CAPN9: variants seen among roughly 807,000 people sequenced by gnomAD.
The protein encoded by CAPN9 is calpain 9, also known as calpain-9.
Under a neutral mutation model 92.8 loss-of-function variants are expected in CAPN9, and 81 were observed. The ratio of observed to expected loss-of-function variants is 0.87; its 90% confidence interval spans 0.73 to 1.05. The LOEUF (loss-of-function observed/expected upper bound fraction) is 1.05. Among genes scored for constraint, CAPN9 ranks in the 50% least tolerant of loss-of-function variants. The pLI is 0.00. For synonymous variants in CAPN9, 304 were observed against 328.0 expected (o/e 0.93, Z 0.79); for missense variants, 848 against 866.2 (o/e 0.98, Z 0.26).
intron 8 of CAPN9, among the ~76,000 whole-genome samples, chr1:230,775,912 A>G (rs1666733570): frequency 2.3e-5 from 3 of 132,878 alleles, no homozygotes; most frequent in African/African-American, 6.3e-5. Context: ...GTGATACTCC[A>G]TCTCAAAAAA....
Position 230,751,673 on chromosome 1 carries a change from A to AAGAAAGAAAGAAAG in CAPN9, c.214-3652_214-3651insAGAGAAAGAAAGAA, listed in dbSNP as rs1558080346. The stretch of plus-strand genomic sequence containing the variant: ...AAAGAAAGAAAGAAAGAAAGAAAGA[A>AAGAAAGAAAGAAAG]AGAAAGAAAGAAGGGTGGCTTTTCC... On this transcript the variant is annotated intron_variant, in intron 1 of 19. Transcript: ENST00000271971. 5.4e-4 allele frequency among the ~76,000 whole-genome samples: 24 copies of AAGAAAGAAAGAAAG among 44,638 alleles called. 3 individuals are homozygous for AAGAAAGAAAGAAAG. The highest frequency in any genetic ancestry group is 2.2e-3 in the African/African-American group (15 of 6,668). 29.3% of individuals were successfully genotyped at this position (44,638 alleles called of 152,430 possible). A position where few individuals can be genotyped will look rare whatever the true frequency, so the allele number is the denominator to read the frequency against.
Position 230,792,407 on chromosome 1 carries a change from C to T in CAPN9, c.1723-19C>T, listed in dbSNP as rs751090397. On this transcript the variant is annotated intron_variant, in intron 15 of 19. Coordinates refer to ENST00000271971, the MANE Select transcript of CAPN9 (RefSeq NM_006615.3). Reference sequence around the variant, plus strand: ...AGGTTGAAACACTGCTCATGTCTCCCTTAACCCACATGGCACAGACCAGCG... The same window carrying T: ...AGGTTGAAACACTGCTCATGTCTCCTTTAACCCACATGGCACAGACCAGCG... 1.9e-6 allele frequency: 3 copies of T among 1,611,640 alleles called. No homozygotes were observed. Among genetic ancestry groups the T allele is most frequent in the Admixed American group, 3.3e-5 (2 of 60,020 alleles).
At chr1:230,790,399 C>A in intron 14 of CAPN9, 1 of 774,364 alleles carries the variant, frequency 1.3e-6, no homozygotes, top group Non-Finnish European at 1.6e-6. Flanking sequence ...TGCAGAAAAG[C>A]CTAATGACAA....
Position 230,747,456 on chromosome 1 carries a change from C to T in CAPN9, c.-41C>T, listed in dbSNP as rs1281477559. On this transcript the variant is annotated 5_prime_UTR_variant, in exon 1 of 20. Coordinates refer to ENST00000271971, the MANE Select transcript of CAPN9 (RefSeq NM_006615.3). Reference sequence around the variant, plus strand: ...CAGCTCGCTTCTTCACTTTCTTTTCCATCCACTGCCGGACCCAAGCCAGCC... The same window carrying T: ...CAGCTCGCTTCTTCACTTTCTTTTCTATCCACTGCCGGACCCAAGCCAGCC... 3.2e-6 allele frequency: 5 copies of T among 1,545,454 alleles called. No homozygotes were observed. Among genetic ancestry groups the T allele is most frequent in the Non-Finnish European group, 3.6e-6 (4 of 1,118,696 alleles).
chr1:230,789,442 C>A (rs1667824735), intron 13 of CAPN9, among the ~76,000 whole-genome samples: 1 of 139,046 alleles, frequency 7.2e-6, no homozygotes, highest in African/African-American at 2.7e-5. Context: ...CACTAATACT[C>A]CAATCTGGAT....
intron 3 of CAPN9, among the ~76,000 whole-genome samples, chr1:230,760,693 A>G (rs1175296180): frequency 1.3e-5 from 2 of 152,046 alleles, no homozygotes; most frequent in Non-Finnish European, 2.9e-5. Flanking sequence ...CAGACCTGCC[A>G]CCACCTGGCT....
chr1:230,792,223 C>T (rs920733933), intron 15 of CAPN9, among the ~76,000 whole-genome samples: 4 of 152,146 alleles, frequency 2.6e-5, no homozygotes, highest in Non-Finnish European at 5.9e-5. Flanking sequence ...GTGAACTTTC[C>T]GGGACCACCC....
intron 1 of CAPN9, among the ~76,000 whole-genome samples, chr1:230,750,657 A>G (rs962654364): frequency 2.2e-4 from 34 of 152,186 alleles, no homozygotes; most frequent in Middle Eastern, 3.2e-3. Flanking sequence ...ACATCTCAGC[A>G]GCCCGTGGGA....
chr1:230,752,267 C>T (rs1361232078), intron 1 of CAPN9, among the ~76,000 whole-genome samples: 1 of 152,184 alleles, frequency 6.6e-6, no homozygotes, highest in East Asian at 1.9e-4. Flanking sequence ...CGCCTAGCTG[C>T]CCCTTCCACA....
Position 230,770,412 on chromosome 1 carries a change from A to G in CAPN9, c.789+1149A>G, listed in dbSNP as rs554349302. Among the ~76,000 whole-genome samples, 4 of 152,280 alleles carry G rather than the reference A, an allele frequency of 2.6e-5. No homozygotes were observed. In the South Asian group the frequency reaches 8.3e-4, roughly 32 times the overall value. ...TGGGGAGGGCAATCTGTTTTACTCA[A>G]TCAACTTAAATTTCATGTCACCCAG... On this transcript the variant is annotated intron_variant, in intron 6 of 19. Coordinates refer to ENST00000271971, the MANE Select transcript of CAPN9 (RefSeq NM_006615.3).
At chr1:230,758,701 A>G (rs1469089295) in intron 2 of CAPN9, among the ~76,000 whole-genome samples, 2 of 152,150 alleles carry the variant, frequency 1.3e-5, no homozygotes, top group Admixed American at 6.5e-5. Context: ...GCTGAGTGTG[A>G]TGGGCTTTTA....
intron 19 of CAPN9, among the ~76,000 whole-genome samples, chr1:230,800,095 A>G (rs1266339254): frequency 2.0e-5 from 3 of 150,872 alleles, no homozygotes; most frequent in African/African-American, 4.9e-5. Flanking sequence ...GGAGAATGGC[A>G]TGAACCCGGG....
rs978541378 is a variant in CAPN9, at chr1:230,785,739, G to A, written c.1482-242G>A. The stretch of plus-strand genomic sequence containing the variant: ...ACCTAGTCTCTGTTATTTCTCTATA[G>A]CCATGCAAGAATGGTCTAACACAAT... On this transcript the variant is annotated intron_variant, in intron 11 of 19. Transcript: ENST00000271971. Among the ~76,000 whole-genome samples the A allele has an allele frequency of 2.6e-4, 39 of 152,136 alleles. 1 individual carries two copies. Among genetic ancestry groups the A allele is most frequent in the Admixed American group, 3.3e-4 (5 of 15,274 alleles).
intron 5 of CAPN9, among the ~76,000 whole-genome samples, chr1:230,768,045 TAAATAAATAAAAAATA>T (rs140244358): frequency 0.18 from 22,304 of 123,138 alleles, 1,851 homozygotes; most frequent in Non-Finnish European, 0.23. Context: ...AATAAATAAA[TAAATAAATAAAAAATA>T]AAATAAAATA....
intron 14 of CAPN9, among the ~76,000 whole-genome samples, 154 bp from the exon 15 acceptor site, chr1:230,791,710 T>C (rs965179450): frequency 6.6e-6 from 1 of 152,246 alleles, no homozygotes. Flanking sequence ...TGAAAGGTCA[T>C]GTTAACTTCT....
rs759631275 is a variant in CAPN9 at position 230,751,673 on chromosome 1, A to AAG, written c.214-3662_214-3661dup. On this transcript the variant is annotated intron_variant, in intron 1 of 19. Coordinates refer to ENST00000271971, the MANE Select transcript of CAPN9 (RefSeq NM_006615.3). ...AAAGAAAGAAAGAAAGAAAGAAAGA[A>AAG]AGAAAGAAAGAAGGGTGGCTTTTCC... Among the ~76,000 whole-genome samples the AAG allele has an allele frequency of 1.8e-4, 8 of 44,640 alleles. 1 individual carries two copies. Among genetic ancestry groups the AAG allele is most frequent in the East Asian group, 1.5e-3 (3 of 1,986 alleles). 29.3% of individuals were successfully genotyped at this position (44,640 alleles called of 152,430 possible). A position where few individuals can be genotyped will look rare whatever the true frequency, so the allele number is the denominator to read the frequency against.
chr1:230,753,631 T>G (rs917998067), intron 1 of CAPN9, among the ~76,000 whole-genome samples: 3 of 152,146 alleles, frequency 2.0e-5, no homozygotes, highest in Non-Finnish European at 2.9e-5. Context: ...GCTCCCCACG[T>G]GGCGTCCGCC....
rs148405103 is a variant in CAPN9, at chr1:230,792,447, G to A, written c.1744G>A (p.Glu582Lys). 1,626 of 1,614,108 alleles carry A rather than the reference G, an allele frequency of 1.0e-3. No individual in the cohort carries two copies. Among genetic ancestry groups the A allele is most frequent in the Non-Finnish European group, 1.3e-3 (1,504 of 1,179,962 alleles). The change falls in exon 16 of 20, where the codon GAG becomes AAG. Residue 582 changes from glutamate to lysine, a missense_variant. Glu to Lys is a moderately conservative substitution (Grantham distance 56). Coordinates refer to ENST00000271971, the MANE Select transcript of CAPN9 (RefSeq NM_006615.3). The part of the protein sequence containing the change: ...LMDTSGNGKL[E>K]FDEFKVFWDK... ...ACAGACCAGCGGCAATGGGAAGCTG[G>A]AGTTTGATGAATTCAAAGTGTTCTG...
Position 230,785,988 on chromosome 1 carries a change from G to A in CAPN9, c.1489G>A (p.Asp497Asn), listed in dbSNP as rs142051905. 3 of 1,614,052 alleles carry A rather than the reference G, an allele frequency of 1.9e-6. No individual in the cohort carries two copies. In the Admixed American group the frequency reaches 5.0e-5, roughly 27 times the overall value. ...GTTTTTCTGCCCCTACAGGGATATGGATGGAAATGTAGACATTGACCTTCC... is the reference window on the plus strand; with the variant it reads ...GTTTTTCTGCCCCTACAGGGATATGAATGGAAATGTAGACATTGACCTTCC... ...SEKKAITRDMDGNVDIDLPEP... is the reference protein window; with the variant it reads ...SEKKAITRDMNGNVDIDLPEP... The change falls in exon 12 of 20, where the codon GAT (aspartate) becomes AAT (asparagine). Residue 497 changes from aspartate to asparagine, a missense_variant. By Grantham distance (23) the Asp-to-Asn change is conservative (BLOSUM62 1). Transcript: ENST00000271971.
Sources: allele counts gnomAD v4.1 joint callset (sites outside exome capture counted in the v4.1 genomes callset), GRCh38; gene constraint gnomAD v4.1.1; transcripts MANE v1.5; gene names NCBI Gene and HGNC (gene_info 2026-07-23, HGNC 2026-07-21).